WDR41: variants seen among roughly 807,000 people sequenced by gnomAD.
The protein encoded by WDR41 is WD repeat-containing protein 41.
In WDR41, 63 loss-of-function variants were observed where a neutral mutation model predicts 69.3. The ratio of observed to expected loss-of-function variants is 0.91; its 90% CI spans 0.74 to 1.12. The LOEUF is 1.12. Among genes scored for constraint, WDR41 ranks in the 50% most tolerant of loss-of-function variants. WDR41 has a pLI of 0.00. For missense variants in WDR41, 543 were observed against 534.5 expected (o/e 1.02, Z -0.16); for synonymous variants, 185 against 192.1 (o/e 0.96, Z 0.31).
Position 77,449,765 on chromosome 5 carries a change from A to G in WDR41, c.692T>C (p.Val231Ala), listed in dbSNP as rs765902291. 5 of 1,602,766 alleles carry G rather than the reference A, an allele frequency of 3.1e-6. No homozygotes were observed. Among genetic ancestry groups the G allele is most frequent in the Non-Finnish European group, 4.3e-6 (5 of 1,169,920 alleles). ...HQDNILSLIN[V>A]NDLSFVTGSH... ...AATGTACACAATGAGCTTACCATTG[A>G]CATTAATCAATGAGAGAATATTATC... The change falls in exon 8 of 13, where the codon GTC (valine) becomes GCC (alanine). Residue 231 changes from valine (V) to alanine (A), a missense_variant. Coordinates refer to ENST00000296679, the MANE Select transcript of WDR41 (RefSeq NM_018268.4).
chr5:77,548,644 A>G (rs1743242174), intron 1 of WDR41, among the ~76,000 whole-genome samples: 1 of 152,224 alleles, frequency 6.6e-6, no homozygotes, highest in African/African-American at 2.4e-5. Flanking sequence ...GTTGGCATGG[A>G]TGCTGTGAAC....
chr5:77,530,574 G>A (rs1802512713), intron 1 of WDR41, among the ~76,000 whole-genome samples: 1 of 151,634 alleles, frequency 6.6e-6, no homozygotes, highest in Admixed American at 6.6e-5. Flanking sequence ...CTAATCTATA[G>A]TGGAAAAAAA....
intron 9 of WDR41, among the ~76,000 whole-genome samples, chr5:77,440,191 T>C (rs461148): frequency 0.52 from 79,749 of 152,088 alleles, 21,576 homozygotes; most frequent in African/African-American, 0.65. Flanking sequence ...AAGGGTACAA[T>C]TCATAAACAT....
At position 77,467,923 on chromosome 5, in the gene WDR41, A is replaced by G. The variant is rs559178258; in HGVS notation, c.168-3114T>C. Among the ~76,000 whole-genome samples, 4 of 152,072 alleles carry G rather than the reference A, an allele frequency of 2.6e-5. No homozygotes were observed. In the East Asian group the frequency reaches 7.7e-4, roughly 29 times the overall value. ...TCATATTCCTGTCCAATTCTTATCCATATACTTCAGGTTTTTTCTTTAACT... is the reference window on the plus strand; with the variant it reads ...TCATATTCCTGTCCAATTCTTATCCGTATACTTCAGGTTTTTTCTTTAACT... On this transcript the variant is annotated intron_variant, in intron 2 of 12. Transcript: ENST00000296679.
At chr5:77,504,570 A>T (rs1802076485) in intron 1 of WDR41, among the ~76,000 whole-genome samples, 1 of 152,210 alleles carries the variant, frequency 6.6e-6, no homozygotes, top group Admixed American at 6.5e-5. Context: ...AGACACAACA[A>T]AAAAAGAGAA....
At chr5:77,497,943 A>G (rs1029551457) in intron 1 of WDR41, among the ~76,000 whole-genome samples, 1 of 152,246 alleles carries the variant, frequency 6.6e-6, no homozygotes, top group Non-Finnish European at 1.5e-5. Context: ...TATATTCTAC[A>G]ACATAGATGG....
chr5:77,574,230 G>A (rs934080104), intron 1 of WDR41, among the ~76,000 whole-genome samples: 4 of 152,028 alleles, frequency 2.6e-5, no homozygotes, highest in South Asian at 4.1e-4. Context: ...CCCGGGAGGC[G>A]AAGGGTGCAG....
chr5:77,461,634 G>C (rs1453525888), intron 4 of WDR41, among the ~76,000 whole-genome samples: 1 of 152,100 alleles, frequency 6.6e-6, no homozygotes, highest in African/African-American at 2.4e-5. Context: ...TCAGGAGTTC[G>C]AGGCCAGCCT....
At chr5:77,524,469 G>A (rs1802417476) in intron 1 of WDR41, among the ~76,000 whole-genome samples, 1 of 152,168 alleles carries the variant, frequency 6.6e-6, no homozygotes, top group Non-Finnish European at 1.5e-5. Flanking sequence ...GTGTGTGCCT[G>A]TAGTCTTAGC....
At chr5:77,561,242 C>A (rs909385952) in intron 1 of WDR41, among the ~76,000 whole-genome samples, 2 of 152,110 alleles carry the variant, frequency 1.3e-5, no homozygotes, top group African/African-American at 4.8e-5. Context: ...AATCAGATGA[C>A]ATTACTATGC....
intron 1 of WDR41, among the ~76,000 whole-genome samples, chr5:77,606,598 T>G (rs534313401): frequency 9.1e-4 from 138 of 150,994 alleles, no homozygotes; most frequent in Non-Finnish European, 1.6e-3. Context: ...AGGCCAGGAG[T>G]TCAAGACCAG....
intron 1 of WDR41, among the ~76,000 whole-genome samples, chr5:77,527,176 T>A (rs1802461576): frequency 6.6e-6 from 1 of 151,930 alleles, no homozygotes; most frequent in African/African-American, 2.4e-5. Flanking sequence ...ATTAGTGGAC[T>A]CAATACTCTA....
intron 1 of WDR41, among the ~76,000 whole-genome samples, chr5:77,566,610 T>C (rs1048355538): frequency 1.3e-5 from 2 of 152,172 alleles, no homozygotes; most frequent in Non-Finnish European, 2.9e-5. Flanking sequence ...ATTTATTTAT[T>C]CAGTGAGTTT....
intron 1 of WDR41, among the ~76,000 whole-genome samples, chr5:77,607,190 G>C (rs774180313): frequency 6.6e-6 from 1 of 152,100 alleles, no homozygotes; most frequent in African/African-American, 2.4e-5. Context: ...TAGATAAAAA[G>C]TTCATATGGA....
At chr5:77,523,317 G>T (rs956900978) in intron 1 of WDR41, among the ~76,000 whole-genome samples, 1 of 149,664 alleles carries the variant, frequency 6.7e-6, no homozygotes. Context: ...AAAAAAAAAA[G>T]ATATATTTTC....
At chr5:77,576,839 C>T (rs1033206815) in intron 1 of WDR41, among the ~76,000 whole-genome samples, 15 of 152,086 alleles carry the variant, frequency 9.9e-5, no homozygotes, top group East Asian at 9.6e-4. Flanking sequence ...CACTCTCAGA[C>T]CAATTACCTA....
intron 1 of WDR41, among the ~76,000 whole-genome samples, chr5:77,618,093 G>C (rs1744710086): frequency 6.6e-6 from 1 of 152,224 alleles, no homozygotes; most frequent in Non-Finnish European, 1.5e-5. Context: ...AAGGCCATTG[G>C]CTGAGAGGCC....
Position 77,436,346 on chromosome 5 carries a change from T to G in WDR41, c.1142A>C (p.Gln381Pro), listed in dbSNP as rs762649967. 5 of 1,614,118 alleles carry G rather than the reference T, an allele frequency of 3.1e-6. No homozygotes were observed. The East Asian group carries it at 1.1e-4, about 36-fold the overall frequency. The change falls in exon 12 of 13, where the codon CAA (glutamine) becomes CCA (proline). Residue 381 changes from glutamine to proline, a missense_variant. Physicochemically the swap from Gln to Pro is moderately conservative, Grantham distance 76. Coordinates refer to ENST00000296679, the MANE Select transcript of WDR41 (RefSeq NM_018268.4). Reference protein sequence around the residue: ...GFGRVSKQASQPVKKQQENAT... With the variant: ...GFGRVSKQASPPVKKQQENAT... ...ATTTTCTTGCTGCTTTTTAACAGGT[T>G]GGCTGGCTTGTTTGCTGACTCTTCC...
At chr5:77,486,801 T>C (rs556823952) in intron 2 of WDR41, among the ~76,000 whole-genome samples, 3 of 152,308 alleles carry the variant, frequency 2.0e-5, no homozygotes, top group Non-Finnish European at 2.9e-5. Context: ...CTCACCCAGC[T>C]GAGCCTAGCC....
Sources: allele counts gnomAD v4.1 joint callset (sites outside exome capture counted in the v4.1 genomes callset), GRCh38; gene constraint gnomAD v4.1.1; transcripts MANE v1.5; gene names NCBI Gene and HGNC (gene_info 2026-07-23, HGNC 2026-07-21).